The following LNPEP variants were observed in gnomAD, a reference collection of about 807,000 sequenced individuals.
LNPEP encodes the protein leucyl and cystinyl aminopeptidase, also known as leucyl-cystinyl aminopeptidase.
A neutral mutation model predicts 120.6 loss-of-function variants in LNPEP; 64 were observed. The observed-to-expected ratio is 0.53, with a 90% CI of 0.43 to 0.65. The LOEUF is 0.65. Ranked by LOEUF, LNPEP falls within the 30% of genes least tolerant of loss-of-function variation. The probability of loss-of-function intolerance (pLI) is 0.00; values close to 1 mark genes in which losing one functional copy is unlikely to be tolerated. For missense variants in LNPEP, 1,057 were observed against 1,200.0 expected (o/e 0.88, Z 1.76); for synonymous variants, 435 against 425.4 (o/e 1.02, Z -0.28).
chr5:96,958,512 G>A, intron 1 of LNPEP: 1 of 984,622 alleles, frequency 1.0e-6, no homozygotes, highest in East Asian at 1.1e-4. Context: ...GGCATGTTGT[G>A]GGGACTAGTT....
At chr5:96,936,212 C>T in intron 1 of LNPEP, 38 bp downstream of exon 1, 1 of 1,414,648 alleles carries the variant, frequency 7.1e-7, no homozygotes, top group Non-Finnish European at 9.2e-7. Flanking sequence ...CCGGGCTCTC[C>T]GGAGCCCTGA....
chr5:97,025,819 A>T (rs77210195), intron 15 of LNPEP, among the ~76,000 whole-genome samples: 1 of 25,238 alleles, frequency 4.0e-5, no homozygotes, highest in African/African-American at 1.4e-4. Flanking sequence ...TTTATATATA[A>T]AAAAAAACTA....
intron 1 of LNPEP, among the ~76,000 whole-genome samples, chr5:96,967,312 ATTT>A (rs149275267): frequency 6.0e-5 from 9 of 151,110 alleles, no homozygotes; most frequent in African/African-American, 2.2e-4. Flanking sequence ...TATTATTATT[ATTT>A]TTTTTTTTTG....
At chr5:96,958,448 C>G in intron 1 of LNPEP, 1 of 985,214 alleles carries the variant, frequency 1.0e-6, no homozygotes, top group Non-Finnish European at 1.2e-6. Flanking sequence ...TGAACTTGGG[C>G]AAGCTCCTAA....
intron 1 of LNPEP, 101 bp from the exon 2 acceptor site, chr5:96,979,037 A>T: frequency 7.3e-7 from 1 of 1,363,908 alleles, no homozygotes; most frequent in Non-Finnish European, 9.9e-7. Flanking sequence ...ACTTAAAAAA[A>T]TTCTTAGTTT....
At chr5:96,967,896 T>C (rs1404930680) in intron 1 of LNPEP, among the ~76,000 whole-genome samples, 2 of 152,152 alleles carry the variant, frequency 1.3e-5, no homozygotes, top group African/African-American at 2.4e-5. Context: ...GGAGGAATTA[T>C]TCATATTTGG....
rs1384352939 is a variant in LNPEP at position 96,954,739 on chromosome 5, T to C, written c.19+18565T>C. On this transcript the variant is annotated intron_variant, in intron 1 of 17. Coordinates refer to ENST00000231368, the MANE Select transcript of LNPEP (RefSeq NM_005575.3). ...ATATATATACATATATATATACATATATATATACACATATATATATATATA... is the reference window on the plus strand; with the variant it reads ...ATATATATACATATATATATACATACATATATACACATATATATATATATA... 1.2e-4 allele frequency among the ~76,000 whole-genome samples: 11 copies of C among 93,310 alleles called. 1 individual carries two copies. Among genetic ancestry groups the C allele is most frequent in the African/African-American group, 4.6e-4 (11 of 23,754 alleles). The allele number at this position is 93,310 out of a possible 152,430, so 61.2% of individuals were successfully genotyped here.
At chr5:96,955,601 A>G (rs1484743829) in intron 1 of LNPEP, among the ~76,000 whole-genome samples, 2 of 152,236 alleles carry the variant, frequency 1.3e-5, no homozygotes, top group African/African-American at 2.4e-5. Flanking sequence ...GCTGGGCAAC[A>G]GAGTGAGACT....
In LNPEP at chr5:97,028,645, C is replaced by A; in HGVS notation, c.*112C>A. 9.0e-7 allele frequency: 1 copy of A among 1,108,688 alleles called. No individual in the cohort carries two copies. The highest frequency in any genetic ancestry group is 1.3e-6 in the Non-Finnish European group (1 of 757,552). 68.7% of individuals were successfully genotyped at this position (1,108,688 alleles called of 1,614,324 possible). On this transcript the variant is annotated 3_prime_UTR_variant, in exon 18 of 18. Transcript: ENST00000231368. ...CAGGATCGCTGCCAAGTTGTTTGCA[C>A]TCTTTGGAGTTCTAGTTAGCTCAGG...
intron 2 of LNPEP, among the ~76,000 whole-genome samples, chr5:96,981,350 CTTTTA>C (rs1361486548): frequency 2.6e-5 from 4 of 152,176 alleles, no homozygotes; most frequent in African/African-American, 7.2e-5. Flanking sequence ...TTTACTGATA[CTTTTA>C]TTTTGTTTTG....
At chr5:97,023,476 A>G (rs1326257240) in intron 14 of LNPEP, among the ~76,000 whole-genome samples, 1 of 151,648 alleles carries the variant, frequency 6.6e-6, no homozygotes, top group Non-Finnish European at 1.5e-5. Flanking sequence ...CTGGTCTTGA[A>G]CTCCTGACCT....
intron 1 of LNPEP, among the ~76,000 whole-genome samples, chr5:96,960,137 C>T (rs541299130): frequency 6.6e-6 from 1 of 151,968 alleles, no homozygotes; most frequent in African/African-American, 2.4e-5. Context: ...GGGGTTTCAC[C>T]ATGTTGGCCA....
chr5:97,008,819 C>G (rs1289513195), intron 11 of LNPEP, among the ~76,000 whole-genome samples: 1 of 151,940 alleles, frequency 6.6e-6, no homozygotes, highest in Non-Finnish European at 1.5e-5. Flanking sequence ...CGCCTGCCAC[C>G]ATGCCCGGCT....
At chr5:96,985,902 G>A (rs1409627465) in intron 3 of LNPEP, among the ~76,000 whole-genome samples, 1 of 152,064 alleles carries the variant, frequency 6.6e-6, no homozygotes, top group Non-Finnish European at 1.5e-5. Flanking sequence ...AGCATAATCT[G>A]TAACAAGACA....
At chr5:96,967,973 T>C (rs899586845) in intron 1 of LNPEP, among the ~76,000 whole-genome samples, 1 of 152,084 alleles carries the variant, frequency 6.6e-6, no homozygotes, top group Non-Finnish European at 1.5e-5. Flanking sequence ...AACCGGGCCT[T>C]GAGAGTTTCC....
At chr5:96,977,532 C>T (rs557470289) in intron 1 of LNPEP, among the ~76,000 whole-genome samples, 13 of 152,040 alleles carry the variant, frequency 8.6e-5, no homozygotes, top group East Asian at 5.8e-4. Flanking sequence ...CGTGAGCACC[C>T]GAGGATTTGT....
At chr5:96,998,335 ACT>A in intron 8 of LNPEP, among the ~76,000 whole-genome samples, 190 bp downstream of exon 8, 1 of 151,942 alleles carries the variant, frequency 6.6e-6, no homozygotes, top group Non-Finnish European at 1.5e-5. Flanking sequence ...TCTTTCTCTG[ACT>A]CTAACTTAAG....
chr5:96,993,413 C>T (rs947764109), intron 5 of LNPEP, among the ~76,000 whole-genome samples: 3 of 152,170 alleles, frequency 2.0e-5, no homozygotes, highest in Admixed American at 2.0e-4. Flanking sequence ...CTAATTCTAA[C>T]TTCCAAGAAA....
At position 97,028,395 on chromosome 5, in the gene LNPEP, C is replaced by T. The variant is rs1427526660; in HGVS notation, c.2947-7C>T. ...TCTTTTGAAATTCTTCTGTGTGAAA[C>T]TTACAGGTTCAGGCATTCTTTGAAA... On this transcript the variant is annotated splice_polypyrimidine_tract_variant and splice_region_variant and intron_variant, in intron 17 of 17. Coordinates refer to ENST00000231368, the MANE Select transcript of LNPEP (RefSeq NM_005575.3). 1.3e-5 allele frequency: 21 copies of T among 1,613,318 alleles called. No homozygotes were observed. The highest frequency in any genetic ancestry group is 1.7e-5 in the Non-Finnish European group (20 of 1,179,458).
Sources: allele counts gnomAD v4.1 joint callset (sites outside exome capture counted in the v4.1 genomes callset), GRCh38; gene constraint gnomAD v4.1.1; transcripts MANE v1.5; gene names NCBI Gene and HGNC (gene_info 2026-07-23, HGNC 2026-07-21).